HACD3: variants seen among roughly 807,000 people sequenced by gnomAD.
HACD3 encodes the protein 3-hydroxyacyl-CoA dehydratase 3.
In HACD3, 30 loss-of-function variants were observed where a neutral mutation model predicts 55.2. That is an observed-to-expected ratio of 0.54 (90% CI 0.41 to 0.74). HACD3 has a LOEUF of 0.74. Among genes scored for constraint, HACD3 ranks in the 30% least tolerant of loss-of-function variants. The pLI is 0.00. For missense variants in HACD3, 363 were observed against 440.1 expected (o/e 0.82, Z 1.57); for synonymous variants, 141 against 151.7 (o/e 0.93, Z 0.52).
intron 2 of HACD3, among the ~76,000 whole-genome samples, chr15:65,552,816 A>G (rs528597349): frequency 6.6e-6 from 1 of 151,702 alleles, no homozygotes; most frequent in South Asian, 2.1e-4. Flanking sequence ...AGCATTAGGT[A>G]TATCTCCCGA....
intron 1 of HACD3, among the ~76,000 whole-genome samples, chr15:65,541,513 A>C (rs567072870): frequency 1.3e-5 from 2 of 152,306 alleles, no homozygotes; most frequent in South Asian, 4.1e-4. Flanking sequence ...GTTAAAAAAG[A>C]CCTTGTTATA....
At chr15:65,542,958 C>T (rs2072036240) in intron 1 of HACD3, among the ~76,000 whole-genome samples, 1 of 151,712 alleles carries the variant, frequency 6.6e-6, no homozygotes, top group African/African-American at 2.4e-5. Context: ...CCTGTAATCC[C>T]AGCTACTCAG....
chr15:65,543,420 T>TA (rs2072042142), intron 1 of HACD3, among the ~76,000 whole-genome samples: 1 of 152,170 alleles, frequency 6.6e-6, no homozygotes, highest in Admixed American at 6.5e-5. Flanking sequence ...TTATTGTTGG[T>TA]AAAAAATATT....
chr15:65,574,828 T>C (rs185826362), intron 10 of HACD3, among the ~76,000 whole-genome samples: 7 of 152,374 alleles, frequency 4.6e-5, no homozygotes, highest in African/African-American at 1.7e-4. Flanking sequence ...TCAGAAAATG[T>C]ACTAATTAAA....
chr15:65,556,706 AG>A, intron 3 of HACD3, 32 bp from the exon 4 acceptor site: 1 of 1,578,034 alleles, frequency 6.3e-7, no homozygotes, highest in Non-Finnish European at 8.7e-7. Context: ...GGAACAGAAG[AG>A]GGCATTCTCA....
At chr15:65,565,529 G>A (rs1447884955) in intron 7 of HACD3, 1 of 152,308 alleles carries the variant, frequency 6.6e-6, no homozygotes, top group Non-Finnish European at 1.5e-5. Context: ...CCACCACGTG[G>A]AAGCTGCCAA....
At chr15:65,563,749 T>C (rs2072265212) in intron 6 of HACD3, among the ~76,000 whole-genome samples, 2 of 152,122 alleles carry the variant, frequency 1.3e-5, no homozygotes, top group Admixed American at 1.3e-4. Flanking sequence ...GGTGGGCAGA[T>C]CACGAGGTCA....
rs201105426 is a variant in HACD3, at chr15:65,575,187, A to AG, written c.1013-1115dup. 9.2e-4 allele frequency among the ~76,000 whole-genome samples: 133 copies of AG among 144,212 alleles called. 1 individual carries two copies. The highest frequency in any genetic ancestry group is 1.6e-3 in the African/African-American group (62 of 37,820). The allele number at this position is 144,212 out of a possible 152,430, so 94.6% of individuals were successfully genotyped here. On this transcript the variant is annotated intron_variant, in intron 10 of 10. Transcript: ENST00000261875. Reference sequence around the variant, plus strand: ...TTGTATATAGGTCAAAGGACTTTTTAGTTTTTTTTTTTTTTTTTGAGACAG... The same window carrying AG: ...TTGTATATAGGTCAAAGGACTTTTTAGGTTTTTTTTTTTTTTTTTGAGACAG...
At chr15:65,540,746 G>A (rs551064780) in intron 1 of HACD3, among the ~76,000 whole-genome samples, 1 of 152,320 alleles carries the variant, frequency 6.6e-6, no homozygotes, top group South Asian at 2.1e-4. Context: ...CTATTAAAGA[G>A]TTTTAAGCAG....
intron 1 of HACD3, among the ~76,000 whole-genome samples, chr15:65,549,426 G>GAA (rs34149100): frequency 0.026 from 2,917 of 110,640 alleles, 138 homozygotes; most frequent in African/African-American, 0.082. Flanking sequence ...TCTCTGCTGG[G>GAA]AAAAAAAAAA....
intron 1 of HACD3, among the ~76,000 whole-genome samples, chr15:65,536,228 G>C (rs901424140): frequency 6.6e-6 from 1 of 151,798 alleles, no homozygotes; most frequent in African/African-American, 2.4e-5. Flanking sequence ...GAACTCCTAA[G>C]CTCAAGTGGC....
chr15:65,570,991 C>T (rs2072342586), intron 8 of HACD3, among the ~76,000 whole-genome samples: 1 of 152,096 alleles, frequency 6.6e-6, no homozygotes, highest in Non-Finnish European at 1.5e-5. Context: ...ACGTAATGTG[C>T]TGATGTAACA....
At chr15:65,571,501 C>T (rs528907226) in intron 8 of HACD3, 47 bp from the exon 9 acceptor site, 35 of 1,379,306 alleles carry the variant, frequency 2.5e-5, no homozygotes, top group Non-Finnish European at 3.4e-5. Context: ...AGGTTGCATT[C>T]GGAACCTGAA....
At chr15:65,576,017 C>T (rs1325450979) in intron 10 of HACD3, among the ~76,000 whole-genome samples, 1 of 152,210 alleles carries the variant, frequency 6.6e-6, no homozygotes, top group Non-Finnish European at 1.5e-5. Context: ...TTGCTTGAAC[C>T]CAGGAGGCGG....
intron 1 of HACD3, among the ~76,000 whole-genome samples, chr15:65,542,227 C>CAA (rs527287203): frequency 0.24 from 15,254 of 63,068 alleles, 2,592 homozygotes; most frequent in African/African-American, 0.46. Flanking sequence ...GACTCCATCT[C>CAA]AAAAAAAAAA....
At chr15:65,549,529 G>A (rs908002914) in intron 1 of HACD3, among the ~76,000 whole-genome samples, 1 of 150,752 alleles carries the variant, frequency 6.6e-6, no homozygotes, top group African/African-American at 2.4e-5. Context: ...GAGCCTGGGA[G>A]GTGGAGGTTG....
chr15:65,569,245 C>G (rs1263783749), intron 7 of HACD3, among the ~76,000 whole-genome samples: 20 of 88,216 alleles, frequency 2.3e-4, no homozygotes, highest in African/African-American at 1.8e-3. Context: ...GAGACTCTGT[C>G]TCAAAAAAAA....
chr15:65,577,437 CCACACACACACAAACACACATACA>C lies in HACD3; in HGVS notation c.*1071_*1094del, dbSNP rs1025718090. On this transcript the variant is annotated 3_prime_UTR_variant, in exon 11 of 11. Coordinates refer to ENST00000261875, the MANE Select transcript of HACD3 (RefSeq NM_016395.4). ...AGACCCTGTCTCAAACCAAACCAAA[CCACACACACACAAACACACATACA>C]CACACACACACACGAGGTCCAAATG... is the stretch of plus-strand genomic sequence containing the variant. 1.4e-4 allele frequency: 21 copies of C among 151,294 alleles called. No individual in the cohort carries two copies. Among genetic ancestry groups the C allele is most frequent in the African/African-American group, 4.2e-4 (17 of 40,492 alleles). The allele number at this position is 151,294 out of a possible 1,614,324, so 9.4% of individuals were successfully genotyped here. A position where few individuals can be genotyped will look rare whatever the true frequency, so the allele number is the denominator to read the frequency against.
At chr15:65,538,697 C>T (rs1253680071) in intron 1 of HACD3, among the ~76,000 whole-genome samples, 1 of 152,194 alleles carries the variant, frequency 6.6e-6, no homozygotes, top group Non-Finnish European at 1.5e-5. Flanking sequence ...CAGTATCAAA[C>T]AGCATTGCAT....
Sources: gnomAD v4.1 joint callset for allele counts (sites outside exome capture counted in the v4.1 genomes callset) on GRCh38, gnomAD v4.1.1 for gene constraint, MANE v1.5 for transcripts, NCBI Gene and HGNC (gene_info 2026-07-23, HGNC 2026-07-21) for gene names.